MEIG1: variants seen among roughly 807,000 people sequenced by gnomAD.
The protein encoded by MEIG1 is meiosis expressed gene 1 protein homolog.
Under a neutral mutation model 11.3 loss-of-function variants are expected in MEIG1, and 12 were observed. The observed-to-expected ratio is 1.07, with a 90% CI of 0.68 to 1.73. MEIG1 has a LOEUF of 1.73. Ranked by LOEUF, MEIG1 falls within the 40% of genes most tolerant of loss-of-function variation. The pLI, the probability that MEIG1 is intolerant of heterozygous loss-of-function variation, is 0.00. For synonymous variants in MEIG1, 41 were observed against 33.2 expected (o/e 1.24, Z -0.81); for missense variants, 119 against 104.9 (o/e 1.13, Z -0.59).
chr10:14,974,929 T>C (rs1454799072), downstream of MEIG1, among the ~76,000 whole-genome samples: 1 of 152,116 alleles, frequency 6.6e-6, no homozygotes, highest in Non-Finnish European at 1.5e-5. Flanking sequence ...TTAATACTAA[T>C]AGTACACCTA....
At chr10:14,967,626 T>C (rs1197470588) in intron 2 of MEIG1, among the ~76,000 whole-genome samples, 1 of 152,018 alleles carries the variant, frequency 6.6e-6, no homozygotes, top group Non-Finnish European at 1.5e-5. Context: ...AGAGACGTGT[T>C]TTTACAAATT....
At chr10:14,985,681 A>G (rs1204363205) in intron 1 of MEIG1, among the ~76,000 whole-genome samples, 1 of 151,984 alleles carries the variant, frequency 6.6e-6, no homozygotes, top group African/African-American at 2.4e-5. Flanking sequence ...AGAGTGTACA[A>G]AATGTCACAG....
At chr10:14,987,362 G>T in intron 2 of MEIG1, 1 of 783,130 alleles carries the variant, frequency 1.3e-6, no homozygotes, top group South Asian at 1.4e-5. Flanking sequence ...GGACAGCAAA[G>T]CGAGGACAGG....
chr10:14,982,066 G>C (rs1358346971), intron 1 of MEIG1, among the ~76,000 whole-genome samples: 2 of 152,190 alleles, frequency 1.3e-5, no homozygotes, highest in East Asian at 3.8e-4. Flanking sequence ...CGCTTTGATG[G>C]ATTAAAGCCA....
intron 2 of MEIG1, chr10:14,987,182 T>G (rs559147096): frequency 1.0e-6 from 1 of 967,084 alleles, no homozygotes; most frequent in East Asian, 3.2e-5. Flanking sequence ...CGACTGCATG[T>G]CCACAGTCAC....
At chr10:14,964,593 A>G (rs61845582) in intron 1 of MEIG1, among the ~76,000 whole-genome samples, 66,287 of 104,802 alleles carry the variant, frequency 0.63, 20,756 homozygotes, top group Non-Finnish European at 0.66. Context: ...GTGTATATAT[A>G]TATATATATA....
downstream of MEIG1, among the ~76,000 whole-genome samples, chr10:14,973,338 A>G (rs1432486912): frequency 6.6e-6 from 1 of 152,208 alleles, no homozygotes; most frequent in African/African-American, 2.4e-5. Context: ...GAGATGCCAG[A>G]TATGGGTCTT....
upstream of MEIG1, chr10:14,959,368 TC>T (rs1287757688): frequency 1.3e-5 from 2 of 152,272 alleles, no homozygotes; most frequent in African/African-American, 4.8e-5. Flanking sequence ...AGCCGGGAGC[TC>T]CTGCAGCTTC....
intron 1 of MEIG1, among the ~76,000 whole-genome samples, chr10:14,984,213 G>A (rs113583614): frequency 0.027 from 4,026 of 149,746 alleles, 79 homozygotes; most frequent in Non-Finnish European, 0.043. Context: ...CGTGGGGGGA[G>A]CCCACCCCCC....
chr10:14,984,193 C>T (rs1352215271), intron 1 of MEIG1, among the ~76,000 whole-genome samples: 5 of 151,426 alleles, frequency 3.3e-5, no homozygotes, highest in African/African-American at 7.3e-5. Flanking sequence ...GGTGCTATTA[C>T]TCCCCGCATC....
At chr10:14,961,365 T>C (rs940475221) in intron 1 of MEIG1, among the ~76,000 whole-genome samples, 5 of 152,228 alleles carry the variant, frequency 3.3e-5, no homozygotes, top group African/African-American at 9.6e-5. Flanking sequence ...GGACCATCTG[T>C]ATGCATATAA....
At chr10:14,956,716 T>C (rs1842957211), upstream of MEIG1, among the ~76,000 whole-genome samples, 1 of 152,214 alleles carries the variant, frequency 6.6e-6, no homozygotes, top group Admixed American at 6.5e-5. Context: ...ACTGACCATC[T>C]ACTGTGTATC....
upstream of MEIG1, among the ~76,000 whole-genome samples, chr10:14,956,424 A>AT (rs1231083864): frequency 5.3e-5 from 8 of 150,308 alleles, no homozygotes; most frequent in African/African-American, 1.7e-4. Context: ...ACTAAAAATA[A>AT]AAAAAAAAAT....
At chr10:14,981,421 T>C (rs1421167362) in intron 1 of MEIG1, among the ~76,000 whole-genome samples, 1 of 152,120 alleles carries the variant, frequency 6.6e-6, no homozygotes, top group Non-Finnish European at 1.5e-5. Context: ...GTACAAAAAC[T>C]GATGAATGAC....
intron 1 of MEIG1, among the ~76,000 whole-genome samples, chr10:14,984,675 C>A (rs1689444026): frequency 6.6e-6 from 1 of 152,108 alleles, no homozygotes. Flanking sequence ...GATGTCACTC[C>A]TCTTATCACA....
intron 1 of MEIG1, among the ~76,000 whole-genome samples, chr10:14,961,316 A>C (rs1843009858): frequency 6.6e-6 from 1 of 152,192 alleles, no homozygotes; most frequent in Non-Finnish European, 1.5e-5. Flanking sequence ...TTGCTTTTGC[A>C]CCATGGTAAA....
At chr10:14,983,846 A>C (rs1044180954) in intron 1 of MEIG1, among the ~76,000 whole-genome samples, 2 of 151,994 alleles carry the variant, frequency 1.3e-5, no homozygotes. Flanking sequence ...GAAAGCGTGC[A>C]CCACCCCAGG....
At chr10:14,981,366 G>T (rs1445192585) in intron 1 of MEIG1, among the ~76,000 whole-genome samples, 1 of 152,072 alleles carries the variant, frequency 6.6e-6, no homozygotes, top group Non-Finnish European at 1.5e-5. Context: ...CTCTCAGCTT[G>T]CTGAGCAAGT....
intron 1 of MEIG1, among the ~76,000 whole-genome samples, chr10:14,961,904 A>T (rs1255088870): frequency 1.3e-5 from 2 of 151,196 alleles, no homozygotes; most frequent in African/African-American, 4.9e-5. Context: ...ACCTTGGGGG[A>T]TCAAACAATC....
Sources: gnomAD v4.1 joint callset for allele counts (sites outside exome capture counted in the v4.1 genomes callset) on GRCh38, gnomAD v4.1.1 for gene constraint, MANE v1.5 for transcripts, NCBI Gene and HGNC (gene_info 2026-07-23, HGNC 2026-07-21) for gene names.